TAF4: variants seen among roughly 807,000 people sequenced by gnomAD.
The protein encoded by TAF4 is transcription initiation factor TFIID subunit 4.
A neutral mutation model predicts 90.3 loss-of-function variants in TAF4; 9 were observed. That is an observed-to-expected ratio of 0.10 (90% CI 0.06 to 0.17). TAF4 has a LOEUF of 0.17. TAF4 is among the 10% of genes least tolerant of loss of function. TAF4 has a pLI of 1.00. For synonymous variants in TAF4, 818 were observed against 638.9 expected (o/e 1.28, Z -4.23); for missense variants, 1,351 against 1,370.7 (o/e 0.99, Z 0.23).
At chr20:62,029,711 G>C (rs73611601) in intron 1 of TAF4, among the ~76,000 whole-genome samples, 2 of 152,112 alleles carry the variant, frequency 1.3e-5, no homozygotes, top group African/African-American at 4.8e-5. Context: ...ATCGAGACCA[G>C]CCTGGCCAAC....
intron 9 of TAF4, 136 bp downstream of exon 9, chr20:62,003,024 G>A (rs1480107334): frequency 1.7e-5 from 11 of 636,026 alleles, no homozygotes; most frequent in Admixed American, 3.0e-5. Context: ...CAAAGTGAGC[G>A]TGAAGCAGGA....
intron 1 of TAF4, among the ~76,000 whole-genome samples, chr20:62,040,452 C>T (rs1464304583): frequency 1.3e-5 from 2 of 152,208 alleles, no homozygotes; most frequent in African/African-American, 4.8e-5. Context: ...TCAGTGGCTG[C>T]CGGGGAGGAA....
chr20:62,059,060 CAACA>C (rs1476870896), intron 1 of TAF4, among the ~76,000 whole-genome samples: 1 of 152,356 alleles, frequency 6.6e-6, no homozygotes, highest in South Asian at 2.1e-4. Context: ...ATGCGGCTCC[CAACA>C]AACAATTTCT....
intron 1 of TAF4, among the ~76,000 whole-genome samples, chr20:62,042,736 C>T (rs2055971105): frequency 6.6e-6 from 1 of 152,272 alleles, no homozygotes; most frequent in Non-Finnish European, 1.5e-5. Flanking sequence ...ATATTCACTA[C>T]ATTCTACTTC....
chr20:62,019,802 G>A (rs6121869), intron 1 of TAF4, among the ~76,000 whole-genome samples: 1 of 152,224 alleles, frequency 6.6e-6, no homozygotes, highest in East Asian at 1.9e-4. Flanking sequence ...TCCTTTTGTA[G>A]GTAACACTTT....
chr20:62,014,041 T>TGG (rs2055798268), intron 2 of TAF4, among the ~76,000 whole-genome samples: 1 of 130,392 alleles, frequency 7.7e-6, no homozygotes, highest in Admixed American at 7.3e-5. Context: ...TGTGTGTGTG[T>TGG]GTGTATGTGT....
At chr20:62,034,945 C>A (rs2055924376) in intron 1 of TAF4, among the ~76,000 whole-genome samples, 1 of 151,762 alleles carries the variant, frequency 6.6e-6, no homozygotes. Flanking sequence ...CTCAGCCTCC[C>A]GAGTAGCTGG....
At chr20:62,022,869 C>G (rs1054210132) in intron 1 of TAF4, among the ~76,000 whole-genome samples, 30 of 152,158 alleles carry the variant, frequency 2.0e-4, no homozygotes, top group Admixed American at 6.5e-4. Context: ...CAGCCCCCCC[C>G]CCGCACATTG....
At chr20:62,004,063 G>A (rs761583287) in intron 7 of TAF4, among the ~76,000 whole-genome samples, 185 bp from the exon 8 acceptor site, 1 of 152,210 alleles carries the variant, frequency 6.6e-6, no homozygotes, top group African/African-American at 2.4e-5. Context: ...CCATGGACTC[G>A]GCCAGACCAG....
chr20:62,038,978 G>A (rs6061403), intron 1 of TAF4, among the ~76,000 whole-genome samples: 82,426 of 152,066 alleles, frequency 0.54, 22,762 homozygotes, highest in Middle Eastern at 0.65. Context: ...ACTTGAACCC[G>A]GGAGTCGGAG....
chr20:61,994,246 G>T lies in TAF4; in HGVS notation c.3090+3304C>A, dbSNP rs574369340. The stretch of plus-strand genomic sequence containing the variant: ...TGGTATACAACTACATTTTCAGCGT[G>T]GGCTGCGGGCCTCACAGCCAGTGGG... On this transcript the variant is annotated intron_variant, in intron 14 of 14. Coordinates refer to ENST00000252996, the MANE Select transcript of TAF4 (RefSeq NM_003185.4). Among the ~76,000 whole-genome samples, 10 of 152,362 alleles carry T rather than the reference G, an allele frequency of 6.6e-5. No homozygotes were observed. In the East Asian group the frequency reaches 1.9e-3, roughly 29 times the overall value.
At chr20:62,052,210 C>T (rs2056032632) in intron 1 of TAF4, among the ~76,000 whole-genome samples, 1 of 152,096 alleles carries the variant, frequency 6.6e-6, no homozygotes, top group Non-Finnish European at 1.5e-5. Flanking sequence ...TGAAGCATGT[C>T]AAAGGCTCAA....
At chr20:62,017,227 G>A (rs763975945) in intron 1 of TAF4, among the ~76,000 whole-genome samples, 2 of 152,142 alleles carry the variant, frequency 1.3e-5, no homozygotes, top group South Asian at 2.1e-4. Flanking sequence ...GGAATGGGAC[G>A]GAAACAGGAC....
At chr20:62,059,080 C>G (rs1240201950) in intron 1 of TAF4, among the ~76,000 whole-genome samples, 1 of 152,252 alleles carries the variant, frequency 6.6e-6, no homozygotes, top group Admixed American at 6.5e-5. Context: ...TTTCTCCTGC[C>G]CTCACACGCG....
At chr20:62,027,042 G>A (rs2055879180) in intron 1 of TAF4, among the ~76,000 whole-genome samples, 1 of 152,350 alleles carries the variant, frequency 6.6e-6, no homozygotes, top group African/African-American at 2.4e-5. Context: ...AGAGCTACGT[G>A]CAAATCAACA....
At chr20:62,055,333 G>C (rs2056057005) in intron 1 of TAF4, among the ~76,000 whole-genome samples, 1 of 151,120 alleles carries the variant, frequency 6.6e-6, no homozygotes, top group Non-Finnish European at 1.5e-5. Context: ...GCTGCCTGCG[G>C]GCAGTCCTGC....
chr20:62,036,848 A>G (rs2055935184), intron 1 of TAF4, among the ~76,000 whole-genome samples: 1 of 152,258 alleles, frequency 6.6e-6, no homozygotes. Context: ...TGATGGTAGC[A>G]GAAGCGGGGG....
chr20:62,018,395 C>G (rs749266115), intron 1 of TAF4, among the ~76,000 whole-genome samples: 4 of 152,238 alleles, frequency 2.6e-5, no homozygotes, highest in Non-Finnish European at 5.9e-5. Flanking sequence ...AATCCAGCAG[C>G]ATCTATTCAC....
chr20:62,031,810 G>A lies in TAF4; in HGVS notation c.1361-17103C>T, dbSNP rs557315776. Among the ~76,000 whole-genome samples, 79 of 152,128 alleles carry A rather than the reference G, an allele frequency of 5.2e-4. 1 individual carries two copies. Among genetic ancestry groups the A allele is most frequent in the South Asian group, 2.1e-4 (1 of 4,818 alleles). Reference sequence around the variant, plus strand: ...CCCACCAAAACCCCAGGGAGACGCCGGGGTGCAGGGCATGCAGCCCCTGGC... The same window carrying A: ...CCCACCAAAACCCCAGGGAGACGCCAGGGTGCAGGGCATGCAGCCCCTGGC... On this transcript the variant is annotated intron_variant, in intron 1 of 14. Coordinates refer to ENST00000252996, the MANE Select transcript of TAF4 (RefSeq NM_003185.4).
Sources: gnomAD v4.1 joint callset for allele counts (sites outside exome capture counted in the v4.1 genomes callset) on GRCh38, gnomAD v4.1.1 for gene constraint, MANE v1.5 for transcripts, NCBI Gene and HGNC (gene_info 2026-07-23, HGNC 2026-07-21) for gene names.